SPHKAP: variants seen among roughly 807,000 people sequenced by gnomAD.
SPHKAP encodes SPHK1 interactor, AKAP domain containing.
SPHKAP carries 67 observed loss-of-function variants against 137.5 expected under a neutral mutation model. That is an observed-to-expected ratio of 0.49 (90% confidence interval 0.40 to 0.60). The LOEUF (loss-of-function observed/expected upper bound fraction) is 0.60. Ranked by LOEUF, SPHKAP falls within the 20% of genes least tolerant of loss-of-function variation. The pLI, the probability that SPHKAP is intolerant of heterozygous loss-of-function variation, is 0.00. For synonymous variants in SPHKAP, 813 were observed against 785.3 expected (o/e 1.04, Z -0.59); for missense variants, 2,097 against 2,069.3 (o/e 1.01, Z -0.26).
At chr2:228,159,153 C>A (rs549281416) in intron 1 of SPHKAP, among the ~76,000 whole-genome samples, 1 of 152,268 alleles carries the variant, frequency 6.6e-6, no homozygotes, top group East Asian at 1.9e-4. Flanking sequence ...CCAACTCAGA[C>A]ACTGTCCAGT....
At chr2:228,106,357 TA>T (rs942297691) in intron 3 of SPHKAP, among the ~76,000 whole-genome samples, 1 of 122,992 alleles carries the variant, frequency 8.1e-6, no homozygotes, top group African/African-American at 2.8e-5. Context: ...CAGGATGAAA[TA>T]AGTTAAAGAA....
At chr2:228,088,419 T>C (rs1574837991) in intron 3 of SPHKAP, among the ~76,000 whole-genome samples, 1 of 152,248 alleles carries the variant, frequency 6.6e-6, no homozygotes, top group East Asian at 1.9e-4. Context: ...TAAGAAAATA[T>C]TTTAAAAATA....
At chr2:228,143,664 CTTTT>C (rs35440451) in intron 1 of SPHKAP, among the ~76,000 whole-genome samples, 3 of 97,424 alleles carry the variant, frequency 3.1e-5, no homozygotes, top group Non-Finnish European at 6.2e-5. Context: ...AAACACCTGG[CTTTT>C]TTTTTTTTTT....
intron 1 of SPHKAP, among the ~76,000 whole-genome samples, chr2:228,175,471 A>C (rs1274827483): frequency 6.6e-6 from 1 of 152,198 alleles, no homozygotes; most frequent in Non-Finnish European, 1.5e-5. Flanking sequence ...GTGGTATGTT[A>C]AAATTTGAAG....
At chr2:228,028,330 A>G (rs1372054504) in intron 3 of SPHKAP, among the ~76,000 whole-genome samples, 2 of 152,162 alleles carry the variant, frequency 1.3e-5, no homozygotes, top group Admixed American at 1.3e-4. Context: ...TCTTTGCCAC[A>G]TTGTTTTAGT....
chr2:228,016,269 ATT>A (rs370982894), intron 7 of SPHKAP, 135 bp downstream of exon 7: 11,820 of 1,126,268 alleles, frequency 0.01, no homozygotes, highest in South Asian at 0.016. Flanking sequence ...TCATTAACTC[ATT>A]TTTTTTTTTT....
chr2:228,051,082 G>A (rs1311696550), intron 3 of SPHKAP, among the ~76,000 whole-genome samples: 1 of 152,016 alleles, frequency 6.6e-6, no homozygotes, highest in Non-Finnish European at 1.5e-5. Context: ...TGGGATTATA[G>A]GTATGAGCCA....
chr2:228,112,422 A>G (rs1170953829), intron 2 of SPHKAP, among the ~76,000 whole-genome samples: 2 of 152,164 alleles, frequency 1.3e-5, no homozygotes, highest in African/African-American at 4.8e-5. Flanking sequence ...GATATTTAGG[A>G]CACATAATAC....
intron 3 of SPHKAP, among the ~76,000 whole-genome samples, chr2:228,093,812 A>C (rs1697889234): frequency 7.3e-6 from 1 of 137,516 alleles, no homozygotes; most frequent in African/African-American, 2.7e-5. Flanking sequence ...GTGAGCCGAG[A>C]TCACTCCATT....
chr2:228,084,380 G>A (rs139331232), intron 3 of SPHKAP, among the ~76,000 whole-genome samples: 3 of 152,082 alleles, frequency 2.0e-5, no homozygotes, highest in Non-Finnish European at 2.9e-5. Context: ...ACTGAAAATC[G>A]CTAAGTCTAA....
intron 8 of SPHKAP, chr2:227,993,930 C>A (rs1416815660): frequency 1.2e-5 from 6 of 511,366 alleles, no homozygotes; most frequent in African/African-American, 4.2e-5. Context: ...AATCAGTCTG[C>A]CTCTTTTCTT....
Position 228,040,747 on chromosome 2 carries a change from A to G in SPHKAP, c.247-13204T>C, listed in dbSNP as rs10201296. 3.1e-3 allele frequency among the ~76,000 whole-genome samples: 473 copies of G among 152,284 alleles called. 8 individuals are homozygous for G. Among genetic ancestry groups the G allele is most frequent in the African/African-American group, 0.01 (423 of 41,568 alleles). On this transcript the variant is annotated intron_variant, in intron 3 of 11. Transcript: ENST00000392056. Reference sequence around the variant, plus strand: ...TATTGACAGCTTAAAAAATAAAATTAAAAAAATAAGTATGCACTCAAGATA... The same window carrying G: ...TATTGACAGCTTAAAAAATAAAATTGAAAAAATAAGTATGCACTCAAGATA...
chr2:228,079,574 G>A (rs1697293283), intron 3 of SPHKAP, among the ~76,000 whole-genome samples: 1 of 152,194 alleles, frequency 6.6e-6, no homozygotes, highest in South Asian at 2.1e-4. Flanking sequence ...GCCAACCTTT[G>A]TGAACTCAAG....
chr2:228,103,386 C>G (rs1364437880), intron 3 of SPHKAP, among the ~76,000 whole-genome samples: 1 of 152,210 alleles, frequency 6.6e-6, no homozygotes, highest in Non-Finnish European at 1.5e-5. Context: ...TTTGTTTTCT[C>G]TAGAGCTGGA....
chr2:228,157,994 G>A (rs1700157789), intron 1 of SPHKAP, among the ~76,000 whole-genome samples: 1 of 152,206 alleles, frequency 6.6e-6, no homozygotes, highest in Admixed American at 6.5e-5. Context: ...GAAATGCCAA[G>A]GGCACAACAG....
intron 11 of SPHKAP, among the ~76,000 whole-genome samples, chr2:227,990,004 G>T (rs571384245): frequency 2.0e-5 from 3 of 152,176 alleles, no homozygotes; most frequent in Non-Finnish European, 4.4e-5. Context: ...ACATAAAGGA[G>T]CCATGTGACA....
At chr2:228,055,029 C>G (rs1031472243) in intron 3 of SPHKAP, among the ~76,000 whole-genome samples, 1 of 150,392 alleles carries the variant, frequency 6.6e-6, no homozygotes, top group Admixed American at 6.7e-5. Flanking sequence ...GTAATCCCAG[C>G]TACTCAGGAG....
intron 1 of SPHKAP, among the ~76,000 whole-genome samples, chr2:228,139,211 C>CT (rs1222294419): frequency 6.6e-6 from 1 of 152,028 alleles, no homozygotes; most frequent in Non-Finnish European, 1.5e-5. Flanking sequence ...GTTCCGAAAT[C>CT]TTTTTTCAAC....
intron 3 of SPHKAP, among the ~76,000 whole-genome samples, chr2:228,030,513 C>CAAAAAAAAAAAAAAAAAAAAAAAAAAAAA (rs11287311): frequency 2.1e-5 from 1 of 48,776 alleles, no homozygotes; most frequent in Non-Finnish European, 4.0e-5. Flanking sequence ...GATACCATCT[C>CAAAAAAAAAAAAAAAAAAAAAAAAAAAAA]AAAAAAAAAA....
Sources: gnomAD v4.1 joint callset for allele counts (sites outside exome capture counted in the v4.1 genomes callset) on GRCh38, gnomAD v4.1.1 for gene constraint, MANE v1.5 for transcripts, NCBI Gene and HGNC (gene_info 2026-07-23, HGNC 2026-07-21) for gene names.